The following GLIS3 variants were observed in gnomAD, a reference collection of about 807,000 sequenced individuals.
GLIS3 encodes the protein zinc finger protein GLIS3.
In GLIS3, 53 loss-of-function variants were observed where a neutral mutation model predicts 78.6. The observed-to-expected ratio is 0.67, with a 90% confidence interval of 0.54 to 0.85. The LOEUF (loss-of-function observed/expected upper bound fraction) is 0.85. Ranked by LOEUF, GLIS3 falls within the 40% of genes least tolerant of loss-of-function variation. GLIS3 has a pLI of 0.00. For missense variants in GLIS3, 1,703 were observed against 1,231.1 expected (o/e 1.38, Z -5.74); for synonymous variants, 684 against 509.9 (o/e 1.34, Z -4.60).
At chr9:4,487,818 G>A in the GLIS3 span, among the ~76,000 whole-genome samples, 1 of 151,946 alleles carries the variant, frequency 6.6e-6, no homozygotes, top group Non-Finnish European at 1.5e-5. Flanking sequence ...CTCCCAAGTA[G>A]CAGAGACTAC....
chr9:4,185,912 C>G (rs184711650), intron 2 of GLIS3, among the ~76,000 whole-genome samples: 2 of 152,022 alleles, frequency 1.3e-5, no homozygotes, highest in African/African-American at 4.8e-5. Context: ...GGGAAGAGAG[C>G]GAGGTGGAAA....
At chr9:4,136,941 A>G (rs1377491204) in intron 2 of GLIS3, among the ~76,000 whole-genome samples, 1 of 152,206 alleles carries the variant, frequency 6.6e-6, no homozygotes, top group Non-Finnish European at 1.5e-5. Flanking sequence ...TGATGCTGAT[A>G]TAACTAGTCA....
intron 4 of GLIS3, among the ~76,000 whole-genome samples, chr9:3,981,451 T>C (rs1297879325): frequency 6.6e-6 from 1 of 152,116 alleles, no homozygotes; most frequent in Non-Finnish European, 1.5e-5. Flanking sequence ...ATAAGGATCA[T>C]GCGGTCAGGC....
rs766830534 is a variant in GLIS3, at chr9:3,856,131, G to A, written c.2351C>T (p.Ala784Val). ...PHHISPRRVP[A>V]PSSILQRTQP... ...TGTTCTTTGCAGTATTGAAGAAGGA[G>A]CTGGAACTCTCCGGGGGCTGATGTG... is the stretch of plus-strand genomic sequence containing the variant. The change falls in exon 9 of 11, where the codon GCT becomes GTT. Residue 784 changes from alanine to valine, a missense_variant. Physicochemically the swap from Ala to Val is moderately conservative, Grantham distance 64 (BLOSUM62 0). Coordinates refer to ENST00000381971, the MANE Select transcript of GLIS3 (RefSeq NM_001042413.2). 1 of 1,614,180 alleles carries A rather than the reference G, an allele frequency of 6.2e-7. No homozygotes were observed. The highest frequency in any genetic ancestry group is 8.5e-7 in the Non-Finnish European group (1 of 1,180,018).
At chr9:4,059,062 G>A (rs1375184764) in intron 4 of GLIS3, among the ~76,000 whole-genome samples, 1 of 152,056 alleles carries the variant, frequency 6.6e-6, no homozygotes, top group Admixed American at 6.5e-5. Context: ...AGGGGACCCT[G>A]AGTCATCTAA....
chr9:4,287,445 G>A (rs1828099477), intron 1 of GLIS3, among the ~76,000 whole-genome samples: 1 of 152,160 alleles, frequency 6.6e-6, no homozygotes, highest in Non-Finnish European at 1.5e-5. Context: ...CACTAAAGAA[G>A]GCCCCTCCTT....
At chr9:4,369,297 TG>T in the GLIS3 span, among the ~76,000 whole-genome samples, 3 of 152,228 alleles carry the variant, frequency 2.0e-5, no homozygotes, top group Non-Finnish European at 2.9e-5. Flanking sequence ...AATTCTTTTC[TG>T]GATATGAGCA....
rs151322590 is a variant in GLIS3, at chr9:4,041,776, C to T, written c.1710+75992G>A. Among the ~76,000 whole-genome samples, 99 of 152,192 alleles carry T rather than the reference C, an allele frequency of 6.5e-4. 1 individual carries two copies. Among genetic ancestry groups the T allele is most frequent in the African/African-American group, 2.2e-3 (90 of 41,444 alleles). On this transcript the variant is annotated intron_variant, in intron 4 of 10. Transcript: ENST00000381971. ...CCAGGTAGAACACCCAACCCCACTT[C>T]ATGTCTCTTGCTTGAGTCACTATTT... is the stretch of plus-strand genomic sequence containing the variant.
At chr9:4,245,092 T>C (rs1010814802) in intron 2 of GLIS3, among the ~76,000 whole-genome samples, 1 of 152,206 alleles carries the variant, frequency 6.6e-6, no homozygotes, top group Non-Finnish European at 1.5e-5. Context: ...ATGCTCTAAG[T>C]TGCTGTAACG....
At chr9:3,841,555 A>T (rs1029274093) in intron 9 of GLIS3, among the ~76,000 whole-genome samples, 1 of 152,236 alleles carries the variant, frequency 6.6e-6, no homozygotes, top group Non-Finnish European at 1.5e-5. Flanking sequence ...ATTAGTAGCC[A>T]CCCACATTCC....
rs749164251 is a variant in GLIS3 at position 3,828,359 on chromosome 9, G to A, written c.2706C>T (p.Arg902=). 1.2e-6 allele frequency: 2 copies of A among 1,613,800 alleles called. No homozygotes were observed. The highest frequency in any genetic ancestry group is 8.5e-7 in the Non-Finnish European group (1 of 1,180,030). The stretch of plus-strand genomic sequence containing the variant: ...AGAAGGTAGCATCTTCAGCCCCGCT[G>A]CGGAGAGACTCCCCAAAGAGGCTCG... ...SSSSLFGESL[R]SGAEDATFLQ... The change falls in exon 11 of 11, where the codon CGC becomes CGT. Residue 902 remains arginine, a synonymous_variant. Transcript: ENST00000381971.
At chr9:4,212,487 T>A (rs1423307758) in intron 2 of GLIS3, among the ~76,000 whole-genome samples, 1 of 152,140 alleles carries the variant, frequency 6.6e-6, no homozygotes, top group Non-Finnish European at 1.5e-5. Context: ...GGCTGAGGGT[T>A]ACAGACACAT....
chr9:4,187,366 G>C (rs1817902957), intron 2 of GLIS3, among the ~76,000 whole-genome samples: 1 of 152,028 alleles, frequency 6.6e-6, no homozygotes, highest in Non-Finnish European at 1.5e-5. Flanking sequence ...TCTCTGTTTT[G>C]GTACCAGTAC....
At chr9:4,143,327 G>A (rs972744850) in intron 2 of GLIS3, among the ~76,000 whole-genome samples, 2 of 152,088 alleles carry the variant, frequency 1.3e-5, no homozygotes, top group East Asian at 1.9e-4. Flanking sequence ...AGCACTTTGG[G>A]AGGCTGAGGC....
intron 7 of GLIS3, among the ~76,000 whole-genome samples, chr9:3,884,175 T>C (rs991040063): frequency 6.6e-6 from 1 of 152,206 alleles, no homozygotes; most frequent in African/African-American, 2.4e-5. Flanking sequence ...AAACCATTAA[T>C]CTATATTTCT....
chr9:4,465,567 A>G, the GLIS3 span, among the ~76,000 whole-genome samples: 1 of 152,220 alleles, frequency 6.6e-6, no homozygotes. Flanking sequence ...ATAAAAAAGA[A>G]AAGATAATAA....
the GLIS3 span, among the ~76,000 whole-genome samples, chr9:4,373,238 G>A: frequency 3.9e-5 from 6 of 152,162 alleles, no homozygotes; most frequent in East Asian, 3.8e-4. Context: ...CACTGATCAC[G>A]CATGCATTAA....
At chr9:3,846,792 A>G (rs4740740) in intron 9 of GLIS3, among the ~76,000 whole-genome samples, 115,217 of 152,118 alleles carry the variant, frequency 0.76, 43,886 homozygotes, top group South Asian at 0.83. Flanking sequence ...AAGAAGCAGT[A>G]ATATATTAAG....
chr9:4,391,550 GGTGTGTGT>G, the GLIS3 span, among the ~76,000 whole-genome samples: 2 of 146,086 alleles, frequency 1.4e-5, no homozygotes, highest in African/African-American at 2.6e-5. Flanking sequence ...TTCTAAGAGG[GGTGTGTGT>G]GTGTGTGTGT....
Sources: gnomAD v4.1 joint callset for allele counts (sites outside exome capture counted in the v4.1 genomes callset) on GRCh38, gnomAD v4.1.1 for gene constraint, MANE v1.5 for transcripts, NCBI Gene and HGNC (gene_info 2026-07-23, HGNC 2026-07-21) for gene names.